Variants in GPRC5B observed in about 807,000 individuals in gnomAD.
The protein encoded by GPRC5B is G protein-coupled receptor family C group 5 member B.
A neutral mutation model predicts 30.1 loss-of-function variants in GPRC5B; 16 were observed. That is an observed-to-expected ratio of 0.53 (90% CI 0.36 to 0.81). GPRC5B has a LOEUF of 0.81. Among genes scored for constraint, GPRC5B ranks in the 30% least tolerant of loss-of-function variants. GPRC5B has a pLI of 0.01. For synonymous variants in GPRC5B, 241 were observed against 239.5 expected (o/e 1.01, Z -0.06); for missense variants, 428 against 544.7 (o/e 0.79, Z 2.13).
intron 2 of GPRC5B, among the ~76,000 whole-genome samples, chr16:19,864,572 G>A (rs985781664): frequency 2.0e-5 from 3 of 152,254 alleles, no homozygotes; most frequent in African/African-American, 7.2e-5. Context: ...GGCCAGCCTG[G>A]AGAATGCCCT....
At position 19,871,877 on chromosome 16, in the gene GPRC5B, G is replaced by A. The variant is rs776975656; in HGVS notation, c.969C>T (p.Asp323=). 1.2e-5 allele frequency: 19 copies of A among 1,613,906 alleles called. No individual in the cohort carries two copies. The highest frequency in any genetic ancestry group is 1.1e-4 in the East Asian group (5 of 44,880). The change falls in exon 2 of 4, where the codon GAC becomes GAT. Residue 323 remains aspartate (D), a synonymous_variant. Transcript: ENST00000300571. ...CCATATAGGCCCGCGGCAGCTGCAC[G>A]TCCTCCTCGAAGGCCGTCTCCCGCA... ...PRMRETAFEE[D]VQLPRAYMEN...
intron 1 of GPRC5B, among the ~76,000 whole-genome samples, chr16:19,881,837 G>A (rs573557447): frequency 6.6e-6 from 1 of 152,332 alleles, no homozygotes; most frequent in African/African-American, 2.4e-5. Flanking sequence ...AGGCAGAGAC[G>A]TCAGGAAAAT....
At chr16:19,875,360 G>A (rs1236634529) in intron 1 of GPRC5B, among the ~76,000 whole-genome samples, 2 of 152,242 alleles carry the variant, frequency 1.3e-5, no homozygotes, top group Admixed American at 6.5e-5. Flanking sequence ...GGTCACTGAC[G>A]TGCCACCACA....
intron 2 of GPRC5B, among the ~76,000 whole-genome samples, chr16:19,870,547 G>A (rs1007420986): frequency 1.3e-5 from 2 of 152,234 alleles, no homozygotes; most frequent in Admixed American, 6.5e-5. Flanking sequence ...CTAGGAAGTG[G>A]CAGAGGCAAA....
chr16:19,871,820 A>G lies in GPRC5B; in HGVS notation c.1026T>C (p.Asn342=), dbSNP rs1169241765. The G allele has an allele frequency of 6.2e-7, 1 of 1,612,288 alleles. No homozygotes were observed. The highest frequency in any genetic ancestry group is 1.7e-4 in the Middle Eastern group (1 of 6,058). ...GCCGGGTGGTGCCCACTTTACCTGC[A>G]TTGTGTTCATCCATGGAGAAGGCCT... ...ENKAFSMDEH[N]AALRTAGFPN... Residue 342 remains asparagine (N), a synonymous_variant, in exon 2 of 4, where the codon AAT becomes AAC. Coordinates refer to ENST00000300571, the MANE Select transcript of GPRC5B (RefSeq NM_016235.3).
At chr16:19,876,567 T>C (rs888930264) in intron 1 of GPRC5B, among the ~76,000 whole-genome samples, 1 of 152,166 alleles carries the variant, frequency 6.6e-6, no homozygotes, top group Non-Finnish European at 1.5e-5. Context: ...TGGCTGCAAA[T>C]TGGGACTTTT....
chr16:19,865,713 T>C (rs1019475597), intron 2 of GPRC5B, among the ~76,000 whole-genome samples: 1 of 152,068 alleles, frequency 6.6e-6, no homozygotes, highest in Non-Finnish European at 1.5e-5. Context: ...TCGTTGAGAG[T>C]CAGAAGCAGG....
chr16:19,872,699 G>A lies in GPRC5B; in HGVS notation c.147C>T (p.Cys49=), dbSNP rs984004843. The A allele has an allele frequency of 1.5e-5, 25 of 1,613,862 alleles. No homozygotes were observed. Among genetic ancestry groups the A allele is most frequent in the African/African-American group, 2.7e-5 (2 of 74,934 alleles). ...CAATGCCCCAGATGGCGTCCAGGTCGCACAGGGACACGTACTGAGGGAGGA... is the reference window on the plus strand; with the variant it reads ...CAATGCCCCAGATGGCGTCCAGGTCACACAGGGACACGTACTGAGGGAGGA... ...LDLLPQYVSL[C]DLDAIWGIVV... is the part of the protein sequence containing the mutation. The change falls in exon 2 of 4, where the codon TGC becomes TGT. Residue 49 remains cysteine, a synonymous_variant. Coordinates refer to ENST00000300571, the MANE Select transcript of GPRC5B (RefSeq NM_016235.3). The surrounding 1 kb of genome is among the most constrained non-coding windows in gnomAD (Gnocchi z 5.0).
In GPRC5B at chr16:19,863,781, A is replaced by G. The variant is rs138144060; in HGVS notation, c.1031-1808T>C. On this transcript the variant is annotated intron_variant, in intron 2 of 3. Coordinates refer to ENST00000300571, the MANE Select transcript of GPRC5B (RefSeq NM_016235.3). ...CTCCCAAAGTGCTGGGATTACAGGC[A>G]TGAGTCACTGTGCCCAGCTGGCATT... Among the ~76,000 whole-genome samples the G allele has an allele frequency of 7.4e-3, 1,129 of 152,146 alleles. 7 individuals carry two copies. Among genetic ancestry groups the G allele is most frequent in the Non-Finnish European group, 0.012 (787 of 67,986 alleles).
At chr16:19,879,285 A>G (rs2056784250) in intron 1 of GPRC5B, among the ~76,000 whole-genome samples, 1 of 152,216 alleles carries the variant, frequency 6.6e-6, no homozygotes, top group Non-Finnish European at 1.5e-5. Context: ...GCTTCTCAAA[A>G]GGAGTAATGA....
At chr16:19,883,500 A>G (rs1281581333) in intron 1 of GPRC5B, among the ~76,000 whole-genome samples, 1 of 152,216 alleles carries the variant, frequency 6.6e-6, no homozygotes, top group African/African-American at 2.4e-5. Flanking sequence ...GTCCCCACCG[A>G]AGAAACTTCT....
chr16:19,869,067 GTCTGTAA>G (rs2056690090), intron 2 of GPRC5B, among the ~76,000 whole-genome samples: 1 of 152,200 alleles, frequency 6.6e-6, no homozygotes, highest in African/African-American at 2.4e-5. Context: ...AGTGGCTCAT[GTCTGTAA>G]TCCCAGCACT....
intron 2 of GPRC5B, among the ~76,000 whole-genome samples, chr16:19,865,409 C>T (rs1162551924): frequency 6.6e-6 from 1 of 152,194 alleles, no homozygotes; most frequent in Non-Finnish European, 1.5e-5. Flanking sequence ...TTGATGCCAT[C>T]AAAAGGTTCT....
At chr16:19,875,562 G>A (rs2056754124) in intron 1 of GPRC5B, among the ~76,000 whole-genome samples, 1 of 152,184 alleles carries the variant, frequency 6.6e-6, no homozygotes, top group African/African-American at 2.4e-5. Flanking sequence ...AGGATCACTT[G>A]AGGACAGGAG....
rs557002911 is a variant in GPRC5B, at chr16:19,860,253, C to T, written c.*247G>A. Reference sequence around the variant, plus strand: ...TTGCAATTAGCTTTGCTTTAGTTTGCGGGGATTGAGGTTGGTCTGGTATTA... The same window carrying T: ...TTGCAATTAGCTTTGCTTTAGTTTGTGGGGATTGAGGTTGGTCTGGTATTA... On this transcript the variant is annotated 3_prime_UTR_variant, in exon 4 of 4. Coordinates refer to ENST00000300571, the MANE Select transcript of GPRC5B (RefSeq NM_016235.3). 1.0e-4 allele frequency: 49 copies of T among 485,698 alleles called. No homozygotes were observed. The highest frequency in any genetic ancestry group is 1.1e-3 in the Middle Eastern group (2 of 1,762). The allele number at this position is 485,698 out of a possible 1,614,324, so 30.1% of individuals were successfully genotyped here. A position where few individuals can be genotyped will look rare whatever the true frequency, so the allele number is the denominator to read the frequency against.
rs558823584 is a variant in GPRC5B at position 19,867,191 on chromosome 16, C to T, written c.1030+4625G>A. On this transcript the variant is annotated intron_variant, in intron 2 of 3. Coordinates refer to ENST00000300571, the MANE Select transcript of GPRC5B (RefSeq NM_016235.3). ...TGACACCTCAGTGAGATGAGGGGCG[C>T]TTAAGCGCTTTATGGAGAGGAGGGT... Among the ~76,000 whole-genome samples, 8 of 152,326 alleles carry T rather than the reference C, an allele frequency of 5.3e-5. 1 individual carries two copies. The South Asian group carries it at 1.4e-3, about 28-fold the overall frequency.
intron 1 of GPRC5B, among the ~76,000 whole-genome samples, chr16:19,883,751 G>A (rs1431195539): frequency 3.3e-5 from 5 of 152,166 alleles, no homozygotes; most frequent in Admixed American, 2.0e-4. Flanking sequence ...AGCGAACGGG[G>A]GACGGAAAGG....
At position 19,872,194 on chromosome 16, in the gene GPRC5B, C is replaced by A. The variant is rs1442385902; in HGVS notation, c.652G>T (p.Ala218Ser). The part of the protein sequence containing the change: ...MVLLVVTLGL[A>S]LFTLCGKFKR... ...AACTTGCCGCACAGAGTGAAGAGGG[C>A]CAGCCCCAGGGTGACCACAAGCAGT... Residue 218 changes from alanine (A) to serine (S), a missense_variant, in exon 2 of 4, where the codon GCC (alanine) becomes TCC (serine). Physicochemically the swap from Ala to Ser is moderately conservative, Grantham distance 99 (BLOSUM62 1). Around this residue, in one of 3 missense-constraint regions of GPRC5B, gnomAD observed 213 missense variants for 229.1 expected, o/e 0.93. Coordinates refer to ENST00000300571, the MANE Select transcript of GPRC5B (RefSeq NM_016235.3). The surrounding 1 kb of genome is among the most constrained non-coding windows in gnomAD (Gnocchi z 5.0). 6.2e-7 allele frequency: 1 copy of A among 1,614,158 alleles called. No individual in the cohort carries two copies. Among genetic ancestry groups the A allele is most frequent in the South Asian group, 1.1e-5 (1 of 91,072 alleles).
At chr16:19,883,709 C>A (rs2056826065) in intron 1 of GPRC5B, among the ~76,000 whole-genome samples, 1 of 152,262 alleles carries the variant, frequency 6.6e-6, no homozygotes, top group African/African-American at 2.4e-5. Flanking sequence ...ACTCCAGGGG[C>A]CTTTGTCCGC....
Sources: gnomAD v4.1 joint callset for allele counts (sites outside exome capture counted in the v4.1 genomes callset) on GRCh38, gnomAD v4.1.1 for gene constraint, gnomAD v4.1.1 regional missense constraint, Gnocchi (gnomAD v3.1) non-coding constraint, MANE v1.5 for transcripts, NCBI Gene and HGNC (gene_info 2026-07-23, HGNC 2026-07-21) for gene names.